The following CHN2 variants were observed in gnomAD, a reference collection of about 807,000 sequenced individuals.
CHN2 encodes the protein beta-chimaerin.
CHN2 carries 35 observed loss-of-function variants against 56.3 expected under a neutral mutation model. The observed-to-expected ratio is 0.62, with a 90% CI of 0.47 to 0.82. The LOEUF (loss-of-function observed/expected upper bound fraction) is 0.82, where lower values mean the gene tolerates loss of function less well. Ranked by LOEUF, CHN2 falls within the 40% of genes least tolerant of loss-of-function variation. The probability of loss-of-function intolerance (pLI) is 0.00; values close to 1 mark genes in which losing one functional copy is unlikely to be tolerated. For missense variants in CHN2, 491 were observed against 580.5 expected, an observed-to-expected ratio of 0.85 and a Z score of 1.58; for synonymous variants, 210 against 212.8, an observed-to-expected ratio of 0.99 and a Z score of 0.12.
chr7:29,330,021 A>G (rs1796105182), intron 1 of CHN2, among the ~76,000 whole-genome samples: 1 of 152,140 alleles, frequency 6.6e-6, no homozygotes, highest in Non-Finnish European at 1.5e-5. Flanking sequence ...CCAGACTATA[A>G]ACTCCTTGAA....
At chr7:29,154,698 G>A (rs1260008520) in intron 2 of CHN2, among the ~76,000 whole-genome samples, 1 of 152,068 alleles carries the variant, frequency 6.6e-6, no homozygotes, top group Non-Finnish European at 1.5e-5. Context: ...AGCCAGGTGT[G>A]GTGGCACGTA....
Position 29,367,928 on chromosome 7 carries a change from G to A in CHN2, c.89-4G>A, listed in dbSNP as rs1799302971. 2.5e-6 allele frequency: 4 copies of A among 1,602,856 alleles called. No individual in the cohort carries two copies. In the South Asian group the frequency reaches 3.4e-5, roughly 13 times the overall value. ...TCTCTCTCTCTCTCTCTCTTTTTTGGCAGTATATCAGTTACAGCAAGAGGC... is the reference window on the plus strand; with the variant it reads ...TCTCTCTCTCTCTCTCTCTTTTTTGACAGTATATCAGTTACAGCAAGAGGC... On this transcript the variant is annotated splice_polypyrimidine_tract_variant and splice_region_variant and intron_variant, in intron 2 of 12. Transcript: ENST00000222792.
intron 6 of CHN2, among the ~76,000 whole-genome samples, chr7:29,409,321 A>C (rs888447645): frequency 6.6e-6 from 1 of 152,216 alleles, no homozygotes; most frequent in Admixed American, 6.5e-5. Flanking sequence ...TGGTATTAGA[A>C]AGTAAAATAG....
intron 7 of CHN2, among the ~76,000 whole-genome samples, chr7:29,487,213 T>TTG (rs1554301670): frequency 1.1e-4 from 16 of 151,586 alleles, no homozygotes; most frequent in African/African-American, 2.4e-4. Flanking sequence ...TTTGTTTTTT[T>TTG]TTTGTTTGTT....
chr7:29,270,187 GTTTAT>G (rs1001117373), intron 1 of CHN2, among the ~76,000 whole-genome samples: 1 of 152,076 alleles, frequency 6.6e-6, no homozygotes, highest in African/African-American at 2.4e-5. Flanking sequence ...ACAGGTGTTA[GTTTAT>G]TTTATCTTCA....
intron 6 of CHN2, among the ~76,000 whole-genome samples, chr7:29,416,088 A>G (rs1803710812): frequency 1.3e-5 from 2 of 152,182 alleles, no homozygotes; most frequent in Non-Finnish European, 2.9e-5. Context: ...TTCTGTGTTC[A>G]AGACATAACC....
rs541786112 is a variant in CHN2, at chr7:29,151,579, C to G, written c.274+4619C>G. On this transcript the variant is annotated intron_variant, in intron 2 of 6. Transcript: ENST00000439384. Reference sequence around the variant, plus strand: ...TAAGGATTTTATGGTTTGCCCAACACTTTTTATATATATCATCTCTTTTAA... The same window carrying G: ...TAAGGATTTTATGGTTTGCCCAACAGTTTTTATATATATCATCTCTTTTAA... Among the ~76,000 whole-genome samples the G allele has an allele frequency of 3.3e-5, 5 of 152,210 alleles. No individual in the cohort carries two copies. The South Asian group carries it at 1.0e-3, about 32-fold the overall frequency.
At chr7:29,273,459 T>C (rs1169116578) in intron 1 of CHN2, among the ~76,000 whole-genome samples, 1 of 148,990 alleles carries the variant, frequency 6.7e-6, no homozygotes, top group East Asian at 2.0e-4. Context: ...TCTTGGCTAT[T>C]GTGAATAATG....
chr7:29,238,584 A>G (rs1044292266), intron 1 of CHN2, among the ~76,000 whole-genome samples: 3 of 152,168 alleles, frequency 2.0e-5, no homozygotes, highest in South Asian at 4.1e-4. Context: ...GTCTTTAAGG[A>G]GCTTATGTTC....
At chr7:29,346,398 A>G (rs1797441564) in intron 1 of CHN2, among the ~76,000 whole-genome samples, 1 of 152,180 alleles carries the variant, frequency 6.6e-6, no homozygotes, top group African/African-American at 2.4e-5. Flanking sequence ...CAAATTCTGA[A>G]CTGTCATCTC....
intron 1 of CHN2, among the ~76,000 whole-genome samples, chr7:29,217,305 A>C (rs2128787618): frequency 6.6e-6 from 1 of 152,278 alleles, no homozygotes; most frequent in South Asian, 2.1e-4. Context: ...ATTATGTAAG[A>C]CTCAGCATGT....
chr7:29,439,095 A>G (rs1783444229), intron 6 of CHN2, among the ~76,000 whole-genome samples: 2 of 152,220 alleles, frequency 1.3e-5, no homozygotes, highest in South Asian at 4.1e-4. Flanking sequence ...AGTCTGCTGT[A>G]TACCAGGCCT....
At chr7:29,270,617 T>A (rs1790552329) in intron 1 of CHN2, among the ~76,000 whole-genome samples, 1 of 151,884 alleles carries the variant, frequency 6.6e-6, no homozygotes, top group Non-Finnish European at 1.5e-5. Flanking sequence ...TGAGTCAAGA[T>A]CATGTCACTG....
intron 1 of CHN2, among the ~76,000 whole-genome samples, chr7:29,255,101 G>A (rs1788964091): frequency 6.6e-6 from 1 of 152,160 alleles, no homozygotes; most frequent in African/African-American, 2.4e-5. Context: ...ACCCAAGAAT[G>A]GACAGTGGGT....
chr7:29,483,819 G>A, intron 7 of CHN2: 2 of 1,254,936 alleles, frequency 1.6e-6, no homozygotes, highest in Middle Eastern at 2.6e-4. Context: ...ACTTAGCACA[G>A]TGCTGAGGTA....
chr7:29,319,361 G>GGGA (rs1021572247), intron 1 of CHN2, among the ~76,000 whole-genome samples: 22 of 152,104 alleles, frequency 1.4e-4, no homozygotes, highest in African/African-American at 5.1e-4. Flanking sequence ...ACATGTTGAG[G>GGGA]GGAGGAGGAG....
intron 2 of CHN2, among the ~76,000 whole-genome samples, chr7:29,178,942 G>A (rs571491294): frequency 7.9e-5 from 12 of 152,266 alleles, no homozygotes; most frequent in Admixed American, 3.3e-4. Flanking sequence ...CCATTTAAGG[G>A]ACATTATAGT....
At chr7:29,147,138 T>C in intron 2 of CHN2, 1 of 821,176 alleles carries the variant, frequency 1.2e-6, no homozygotes, top group Non-Finnish European at 1.9e-6. Flanking sequence ...GACCTGAGTG[T>C]ATATTATTAG....
At chr7:29,198,699 A>G (rs1783925995) in intron 1 of CHN2, among the ~76,000 whole-genome samples, 1 of 152,224 alleles carries the variant, frequency 6.6e-6, no homozygotes, top group South Asian at 2.1e-4. Flanking sequence ...ACAACGGCCA[A>G]TTTGCAAAAT....
Sources: gnomAD v4.1 joint callset for allele counts (sites outside exome capture counted in the v4.1 genomes callset) on GRCh38, gnomAD v4.1.1 for gene constraint, MANE v1.5 for transcripts, NCBI Gene and HGNC (gene_info 2026-07-23, HGNC 2026-07-21) for gene names.